KIF27: variants seen among roughly 807,000 people sequenced by gnomAD.
KIF27 encodes kinesin family member 27, also known as kinesin-like protein KIF27.
Under a neutral mutation model 141.8 loss-of-function variants are expected in KIF27, and 84 were observed. The ratio of observed to expected loss-of-function variants is 0.59; its 90% confidence interval spans 0.50 to 0.71. The LOEUF (loss-of-function observed/expected upper bound fraction) is 0.71. KIF27 is among the 30% of genes least tolerant of loss of function. KIF27 has a pLI of 0.00. For synonymous variants in KIF27, 471 were observed against 569.5 expected (o/e 0.83, Z 2.46); for missense variants, 1,306 against 1,628.4 (o/e 0.80, Z 3.41).
chr9:83,892,740 A>T (rs1952800649), intron 5 of KIF27, among the ~76,000 whole-genome samples: 1 of 152,244 alleles, frequency 6.6e-6, no homozygotes, highest in African/African-American at 2.4e-5. Context: ...AATATTAATC[A>T]AAAGAAAGCT....
In KIF27 at chr9:83,874,099, T is replaced by C. The variant is rs1385964517; in HGVS notation, c.2644-3467A>G. The stretch of plus-strand genomic sequence containing the variant: ...TACTTCTAATTCCCTCTTCCACATG[T>C]TGCTCCAGACAATGCCTTTTTCCTT... On this transcript the variant is annotated intron_variant, in intron 11 of 17. Coordinates refer to ENST00000297814, the MANE Select transcript of KIF27 (RefSeq NM_017576.4). 3.3e-5 allele frequency among the ~76,000 whole-genome samples: 5 copies of C among 152,142 alleles called. No individual in the cohort carries two copies. In the East Asian group the frequency reaches 9.6e-4, roughly 29 times the overall value.
chr9:83,838,855 C>G (rs1946227530), intron 17 of KIF27: 2 of 152,142 alleles, frequency 1.3e-5, no homozygotes, highest in African/African-American at 4.8e-5. Context: ...ATAACTGACT[C>G]TCTAGTTTTT....
intron 1 of KIF27, among the ~76,000 whole-genome samples, chr9:83,918,297 G>C (rs1185534270): frequency 7.5e-5 from 9 of 120,652 alleles, no homozygotes. Flanking sequence ...GTCTCAAAGA[G>C]AGAGAGAAAG....
At chr9:83,891,954 G>A (rs544665701) in intron 5 of KIF27, among the ~76,000 whole-genome samples, 1 of 152,150 alleles carries the variant, frequency 6.6e-6, no homozygotes, top group East Asian at 1.9e-4. Flanking sequence ...AAGCCTTAGT[G>A]AAAAAGGAAG....
Position 83,848,043 on chromosome 9 carries a change from C to G in KIF27, c.3556+2056G>C, listed in dbSNP as rs1261611556. ...ATGCTATATCTATATCTATATATAT[C>G]TACATATATCTATATATCATATATA... On this transcript the variant is annotated intron_variant, in intron 16 of 17. Coordinates refer to ENST00000297814, the MANE Select transcript of KIF27 (RefSeq NM_017576.4). 3.2e-5 allele frequency: 3 copies of G among 94,790 alleles called. 1 individual carries two copies. The highest frequency in any genetic ancestry group is 6.3e-5 in the Non-Finnish European group (3 of 47,542). The allele number at this position is 94,790 out of a possible 1,614,324, so 5.9% of individuals were successfully genotyped here.
chr9:83,917,378 T>A (rs1212937157), intron 1 of KIF27, among the ~76,000 whole-genome samples: 1 of 152,220 alleles, frequency 6.6e-6, no homozygotes, highest in Non-Finnish European at 1.5e-5. Context: ...TATATTAATA[T>A]GTCAGTATTC....
Position 83,915,535 on chromosome 9 carries a change from T to A in KIF27, c.57A>T (p.Glu19Asp). The A allele has an allele frequency of 6.2e-7, 1 of 1,613,754 alleles. No homozygotes were observed. Among genetic ancestry groups the A allele is most frequent in the Non-Finnish European group, 8.5e-7 (1 of 1,179,794 alleles). The change falls in exon 2 of 18, where the codon GAA becomes GAT. Residue 19 changes from glutamate (E) to aspartate (D), a missense_variant. Glu to Asp is a conservative substitution (Grantham distance 45). Around this residue, in one of 4 missense-constraint regions of KIF27, gnomAD observed 533 missense variants for 565.6 expected, o/e 0.94. Coordinates refer to ENST00000297814, the MANE Select transcript of KIF27 (RefSeq NM_017576.4). Reference protein sequence around the residue: ...AVRIRPLLCKEALHNHQVCVR... With the variant: ...AVRIRPLLCKDALHNHQVCVR... ...CACAAACTTGATGATTATGAAGAGC[T>A]TCTTTGCAAAGCAGAGGTCTAATTC...
At position 83,842,237 on chromosome 9, in the gene KIF27, A is replaced by G. The variant is rs199566689; in HGVS notation, c.3721T>C (p.Tyr1241His). 4.0e-4 allele frequency: 614 copies of G among 1,546,448 alleles called. No individual in the cohort carries two copies. The highest frequency in any genetic ancestry group is 4.9e-4 in the Non-Finnish European group (571 of 1,155,956). Residue 1241 changes from tyrosine to histidine, a missense_variant and splice_region_variant, in exon 17 of 18, where the codon TAT becomes CAT. Around this residue, in one of 4 missense-constraint regions of KIF27, gnomAD observed 148 missense variants for 250.9 expected, o/e 0.59. Transcript: ENST00000297814. Reference sequence around the variant, plus strand: ...AGAGTGACAACACTAAAAGTCTTACACTCTGATGGTGCTAGTTGCCGCCGA... The same window carrying G: ...AGAGTGACAACACTAAAAGTCTTACGCTCTGATGGTGCTAGTTGCCGCCGA... The part of the protein sequence containing the change: ...AIRRQLAPSE[Y>H]QEAGDGVLKP...
intron 16 of KIF27, among the ~76,000 whole-genome samples, chr9:83,845,156 C>A (rs1206540824): frequency 6.6e-6 from 1 of 152,142 alleles, no homozygotes; most frequent in East Asian, 1.9e-4. Context: ...ACAGTGGAGG[C>A]CTCTAGAATT....
chr9:83,872,860 A>T (rs556435614), intron 11 of KIF27, among the ~76,000 whole-genome samples: 1 of 152,300 alleles, frequency 6.6e-6, no homozygotes, highest in East Asian at 1.9e-4. Context: ...ACTATTCAGG[A>T]GAGAAAATGC....
chr9:83,846,254 C>G (rs1393986395), intron 16 of KIF27, among the ~76,000 whole-genome samples: 4 of 152,190 alleles, frequency 2.6e-5, no homozygotes, highest in African/African-American at 7.2e-5. Context: ...GGTTTGTCCT[C>G]ACTGGAATAG....
chr9:83,903,251 C>T lies in KIF27; in HGVS notation c.1267G>A (p.Val423Ile). The part of the protein sequence containing the change: ...CCVEEAFTFL[V>I]DLKDTVRLNE... ...AGTCTGACAGTATCTTTTAGGTCAA[C>T]CAGGAAGGTAAAGGCTTCTTCTACA... The change falls in exon 4 of 18, where the codon GTT becomes ATT. Residue 423 changes from valine (V) to isoleucine (I), a missense_variant. This residue lies in a region of KIF27 where 533 missense variants were observed against 565.6 expected (regional missense o/e 0.94). Coordinates refer to ENST00000297814, the MANE Select transcript of KIF27 (RefSeq NM_017576.4). 1 of 1,614,100 alleles carries T rather than the reference C, an allele frequency of 6.2e-7. No individual in the cohort carries two copies. The highest frequency in any genetic ancestry group is 1.1e-5 in the South Asian group (1 of 91,080).
At position 83,861,175 on chromosome 9, in the gene KIF27, A is replaced by T. The variant is rs1416989048; in HGVS notation, c.2935-1804T>A. ...CATTTTGCTGGCCCCTTGATGGGCT[A>T]TTTCTTTATATATATATATATAACT... On this transcript the variant is annotated intron_variant, in intron 13 of 17. Transcript: ENST00000297814. 7.0e-4 allele frequency among the ~76,000 whole-genome samples: 100 copies of T among 142,856 alleles called. 1 individual carries two copies. The highest frequency in any genetic ancestry group is 2.4e-3 in the African/African-American group (89 of 37,430). The allele number at this position is 142,856 out of a possible 152,430, so 93.7% of individuals were successfully genotyped here.
intron 2 of KIF27, among the ~76,000 whole-genome samples, chr9:83,911,740 C>T (rs1333261201): frequency 2.6e-5 from 4 of 152,140 alleles, no homozygotes; most frequent in Non-Finnish European, 5.9e-5. Flanking sequence ...GATGGGGTTT[C>T]ACCATGTTGC....
In KIF27 at chr9:83,837,309, G is replaced by T. The variant is rs561598508; in HGVS notation, c.3898C>A (p.Pro1300Thr). Residue 1300 changes from proline to threonine, a missense_variant, in exon 18 of 18, where the codon CCA becomes ACA. Around this residue, in one of 4 missense-constraint regions of KIF27, gnomAD observed 148 missense variants for 250.9 expected, o/e 0.59. Transcript: ENST00000297814. ...PNPQKLWEDI[P>T]ELPPIHSSLA... ...GAACTATGAATTGGAGGTAATTCTGGGATATCTTCCCAGAGCTTTTGAGGA... is the reference window on the plus strand; with the variant it reads ...GAACTATGAATTGGAGGTAATTCTGTGATATCTTCCCAGAGCTTTTGAGGA... 5 of 1,605,904 alleles carry T rather than the reference G, an allele frequency of 3.1e-6. No homozygotes were observed. In the African/African-American group the frequency reaches 4.0e-5, roughly 13 times the overall value.
rs1478464191 is a variant in KIF27, at chr9:83,836,230, C to T, written c.*771G>A. Among the ~76,000 whole-genome samples, 1 of 152,090 alleles carries T rather than the reference C, an allele frequency of 6.6e-6. No homozygotes were observed. Among genetic ancestry groups the T allele is most frequent in the African/African-American group, 2.4e-5 (1 of 41,430 alleles). ...AGAGATGTCATAACCAGTGTTCTTT[C>T]TCTTGAAATGTTAGAATGCTTTAGT... On this transcript the variant is annotated 3_prime_UTR_variant, in exon 18 of 18. Coordinates refer to ENST00000297814, the MANE Select transcript of KIF27 (RefSeq NM_017576.4).
At chr9:83,910,961 T>C (rs1955092361) in intron 2 of KIF27, among the ~76,000 whole-genome samples, 3 of 146,262 alleles carry the variant, frequency 2.1e-5, no homozygotes, top group Non-Finnish European at 3.0e-5. Flanking sequence ...ATACATACAA[T>C]GGAATGTTGG....
At chr9:83,850,725 G>C (rs1308017274) in intron 15 of KIF27, among the ~76,000 whole-genome samples, 2 of 150,788 alleles carry the variant, frequency 1.3e-5, no homozygotes, top group African/African-American at 4.9e-5. Context: ...GGAGTCTGCA[G>C]TGGAGCCAAG....
chr9:83,894,426 C>G (rs1952975110), intron 5 of KIF27, among the ~76,000 whole-genome samples: 1 of 152,200 alleles, frequency 6.6e-6, no homozygotes, highest in African/African-American at 2.4e-5. Flanking sequence ...TGTCAGATGT[C>G]TGAGAACTTG....
Sources: gnomAD v4.1 joint callset for allele counts (sites outside exome capture counted in the v4.1 genomes callset) on GRCh38, gnomAD v4.1.1 for gene constraint, gnomAD v4.1.1 regional missense constraint, MANE v1.5 for transcripts, NCBI Gene and HGNC (gene_info 2026-07-23, HGNC 2026-07-21) for gene names.